Variants in TBL1XR1 observed in about 807,000 individuals in gnomAD.
TBL1XR1 encodes TBL1X/Y related 1, also known as F-box-like/WD repeat-containing protein TBL1XR1.
In TBL1XR1, 5 loss-of-function variants were observed where a neutral mutation model predicts 66.9. The ratio of observed to expected loss-of-function variants is 0.07; its 90% confidence interval spans 0.04 to 0.16. TBL1XR1 has a LOEUF of 0.16. Ranked by LOEUF, TBL1XR1 falls within the 10% of genes least tolerant of loss-of-function variation. TBL1XR1 has a pLI of 1.00. For synonymous variants in TBL1XR1, 210 were observed against 206.0 expected (o/e 1.02, Z -0.17); for missense variants, 238 against 623.2 (o/e 0.38, Z 6.58).
At chr3:177,156,516 CAT>C (rs1315221568) in intron 1 of TBL1XR1, among the ~76,000 whole-genome samples, 3 of 48,722 alleles carry the variant, frequency 6.2e-5, no homozygotes, top group South Asian at 9.5e-4. Flanking sequence ...TATATATATA[CAT>C]ACACACACAC....
Position 177,046,116 on chromosome 3 carries a change from A to T in TBL1XR1, c.925+13T>A, listed in dbSNP as rs774246831. The T allele has an allele frequency of 2.0e-6, 3 of 1,527,170 alleles. No homozygotes were observed. Among genetic ancestry groups the T allele is most frequent in the Non-Finnish European group, 2.6e-6 (3 of 1,138,810 alleles). 94.6% of individuals were successfully genotyped at this position (1,527,170 alleles called of 1,614,324 possible). On this transcript the variant is annotated intron_variant, in intron 10 of 15. Transcript: ENST00000457928. ...GCAAGCTCCAGCTTTCACGTAAATT[A>T]TAAGAAATTTACCTGAATGAAAAGG... is the stretch of plus-strand genomic sequence containing the variant.
At chr3:177,178,337 A>G (rs1011393807) in intron 1 of TBL1XR1, among the ~76,000 whole-genome samples, 1 of 152,210 alleles carries the variant, frequency 6.6e-6, no homozygotes, top group African/African-American at 2.4e-5. Context: ...ACCAGATTTT[A>G]AAAATAAGTA....
intron 1 of TBL1XR1, among the ~76,000 whole-genome samples, chr3:177,102,460 A>G (rs905088000): frequency 2.6e-5 from 4 of 152,230 alleles, no homozygotes; most frequent in Non-Finnish European, 5.9e-5. Flanking sequence ...ATGCATTTAT[A>G]AAGCACACCA....
intron 7 of TBL1XR1, among the ~76,000 whole-genome samples, chr3:177,049,039 T>A (rs966222326): frequency 6.6e-6 from 1 of 152,198 alleles, no homozygotes; most frequent in Non-Finnish European, 1.5e-5. Flanking sequence ...TTTAGAATTG[T>A]CATATGGAGG....
intron 2 of TBL1XR1, among the ~76,000 whole-genome samples, chr3:177,066,469 G>A (rs962688737): frequency 2.6e-5 from 4 of 152,160 alleles, no homozygotes; most frequent in African/African-American, 9.7e-5. Context: ...CAGCAGGTGT[G>A]GAAGGAATGA....
chr3:177,117,615 T>C (rs1001155541), intron 1 of TBL1XR1, among the ~76,000 whole-genome samples: 2 of 152,212 alleles, frequency 1.3e-5, no homozygotes, highest in Non-Finnish European at 2.9e-5. Flanking sequence ...TAATGTGCTC[T>C]ATAAATTCTA....
intron 1 of TBL1XR1, among the ~76,000 whole-genome samples, chr3:177,166,333 AAG>A (rs908670902): frequency 1.3e-5 from 2 of 152,220 alleles, no homozygotes; most frequent in African/African-American, 4.8e-5. Flanking sequence ...AAAATAGGCC[AAG>A]AATATTAAAC....
chr3:177,150,869 T>C (rs1489361911), intron 1 of TBL1XR1, among the ~76,000 whole-genome samples: 1 of 152,216 alleles, frequency 6.6e-6, no homozygotes, highest in Admixed American at 6.5e-5. Context: ...TATTTTACCT[T>C]CATTTAAAAA....
At chr3:177,172,722 G>T (rs372708718) in intron 1 of TBL1XR1, among the ~76,000 whole-genome samples, 11 of 150,832 alleles carry the variant, frequency 7.3e-5, no homozygotes, top group Non-Finnish European at 1.3e-4. Flanking sequence ...GAGCCAAGCC[G>T]AGCCAAGCCA....
rs538717543 is a variant in TBL1XR1 at position 177,149,943 on chromosome 3, G to A, written c.-122+47178C>T. Among the ~76,000 whole-genome samples, 136 of 152,098 alleles carry A rather than the reference G, an allele frequency of 8.9e-4. 1 individual carries two copies. Among genetic ancestry groups the A allele is most frequent in the African/African-American group, 3.1e-3 (130 of 41,488 alleles). ...TCTAAAATTATTCTAATATAACTAA[G>A]GAAACGTCAATTTAAATAAATCTTA... On this transcript the variant is annotated intron_variant, in intron 1 of 15. Coordinates refer to ENST00000457928, the MANE Select transcript of TBL1XR1 (RefSeq NM_024665.7).
chr3:177,141,294 A>G (rs1288374289), intron 1 of TBL1XR1, among the ~76,000 whole-genome samples: 1 of 152,262 alleles, frequency 6.6e-6, no homozygotes, highest in East Asian at 1.9e-4. Context: ...TTACTTTTAA[A>G]TAATTTAAAA....
upstream of TBL1XR1, among the ~76,000 whole-genome samples, chr3:177,197,755 T>C (rs1737097116): frequency 1.4e-5 from 2 of 146,260 alleles, no homozygotes; most frequent in Non-Finnish European, 1.5e-5. Context: ...CGGCCCGCTC[T>C]GGCGGCACTG....
At chr3:177,172,481 G>A (rs1020231442) in intron 1 of TBL1XR1, among the ~76,000 whole-genome samples, 6 of 151,908 alleles carry the variant, frequency 3.9e-5, no homozygotes, top group Non-Finnish European at 2.9e-5. Flanking sequence ...TCATCGGCCA[G>A]ATGCAGTGGC....
intron 10 of TBL1XR1, among the ~76,000 whole-genome samples, chr3:177,039,164 C>A (rs1460480891): frequency 6.6e-6 from 1 of 152,004 alleles, no homozygotes; most frequent in Non-Finnish European, 1.5e-5. Flanking sequence ...GTCCCATCCC[C>A]ATGATATTGC....
chr3:177,135,938 T>G (rs1287948621), intron 1 of TBL1XR1, among the ~76,000 whole-genome samples: 2 of 151,760 alleles, frequency 1.3e-5, no homozygotes, highest in Non-Finnish European at 2.9e-5. Context: ...TTTTATTCCT[T>G]CCCAATGAGG....
rs1716953692 is a variant in TBL1XR1, at chr3:177,050,748, C to G, written c.428-138G>C. 9 of 674,732 alleles carry G rather than the reference C, an allele frequency of 1.3e-5. No homozygotes were observed. In the South Asian group the frequency reaches 1.8e-4, roughly 13 times the overall value. 41.8% of individuals were successfully genotyped at this position (674,732 alleles called of 1,614,324 possible). ...TTCAATTATATCCAGTTAAGCTGAACATGACTACACAGTCTTAGTCACACA... is the reference window on the plus strand; with the variant it reads ...TTCAATTATATCCAGTTAAGCTGAAGATGACTACACAGTCTTAGTCACACA... On this transcript the variant is annotated intron_variant, in intron 5 of 15. Coordinates refer to ENST00000457928, the MANE Select transcript of TBL1XR1 (RefSeq NM_024665.7).
intron 1 of TBL1XR1, among the ~76,000 whole-genome samples, chr3:177,130,303 A>G (rs938735726): frequency 6.6e-6 from 1 of 152,202 alleles, no homozygotes; most frequent in African/African-American, 2.4e-5. Flanking sequence ...CTGCATTATA[A>G]AAAGAAACAA....
chr3:177,117,321 G>A (rs1560194727), intron 1 of TBL1XR1, among the ~76,000 whole-genome samples: 1 of 152,148 alleles, frequency 6.6e-6, no homozygotes, highest in African/African-American at 2.4e-5. Context: ...CTGAATTCCT[G>A]GGAAAGATAT....
intron 1 of TBL1XR1, among the ~76,000 whole-genome samples, chr3:177,129,520 T>C (rs1195459986): frequency 1.3e-5 from 2 of 152,184 alleles, no homozygotes; most frequent in Non-Finnish European, 2.9e-5. Context: ...TGTATGTTTA[T>C]ATGAAACACA....
Sources: allele counts gnomAD v4.1 joint callset (sites outside exome capture counted in the v4.1 genomes callset), GRCh38; gene constraint gnomAD v4.1.1; transcripts MANE v1.5; gene names NCBI Gene and HGNC (gene_info 2026-07-23, HGNC 2026-07-21).